Variants in KCNIP4 observed in about 807,000 individuals in gnomAD.
KCNIP4 encodes the protein potassium voltage-gated channel interacting protein 4.
A neutral mutation model predicts 34.0 loss-of-function variants in KCNIP4; 12 were observed. That is an observed-to-expected ratio of 0.35 (90% CI 0.23 to 0.57). The LOEUF (loss-of-function observed/expected upper bound fraction) is 0.57, where lower values mean the gene tolerates loss of function less well. KCNIP4 is among the 20% of genes least tolerant of loss of function. The pLI, the probability that KCNIP4 is intolerant of heterozygous loss-of-function variation, is 0.83. For missense variants in KCNIP4, 238 were observed against 311.7 expected (o/e 0.76, Z 1.78); for synonymous variants, 124 against 102.2 (o/e 1.21, Z -1.29).
rs975684892 is a variant in KCNIP4, at chr4:21,530,192, C to G, written c.61+418379G>C. 2.6e-5 allele frequency among the ~76,000 whole-genome samples: 4 copies of G among 152,212 alleles called. No homozygotes were observed. In the East Asian group the frequency reaches 5.8e-4, roughly 22 times the overall value. On this transcript the variant is annotated intron_variant, in intron 1 of 8. Transcript: ENST00000382152. ...GCACTAAGATATTTCAATGAATATT[C>G]CGGATCAAATGTGTTTCTCCTTATA...
At chr4:20,972,518 A>T (rs1289620653) in intron 1 of KCNIP4, among the ~76,000 whole-genome samples, 1 of 152,140 alleles carries the variant, frequency 6.6e-6, no homozygotes. Flanking sequence ...TTTGAAAGGA[A>T]TCTCTTTGTG....
rs184993961 is a variant in KCNIP4 at position 21,743,018 on chromosome 4, T to C, written c.61+205553A>G. On this transcript the variant is annotated intron_variant, in intron 1 of 8. Transcript: ENST00000382152. Reference sequence around the variant, plus strand: ...GCTACCATAGGCTGGAGCAGAAATATCTACATTCGGATTTACCGTGGATCT... The same window carrying C: ...GCTACCATAGGCTGGAGCAGAAATACCTACATTCGGATTTACCGTGGATCT... Among the ~76,000 whole-genome samples the C allele has an allele frequency of 2.4e-3, 361 of 152,298 alleles. 3 individuals carry two copies. The highest frequency in any genetic ancestry group is 3.4e-3 in the Middle Eastern group (1 of 294).
At chr4:21,226,140 C>T (rs546585946) in intron 1 of KCNIP4, among the ~76,000 whole-genome samples, 1 of 150,036 alleles carries the variant, frequency 6.7e-6, no homozygotes, top group East Asian at 2.0e-4. Flanking sequence ...TTTGCAAGTT[C>T]ATGTAGTTAG....
intron 1 of KCNIP4, among the ~76,000 whole-genome samples, chr4:21,946,679 C>T (rs1377152499): frequency 1.3e-5 from 2 of 152,156 alleles, no homozygotes; most frequent in Admixed American, 6.5e-5. Context: ...CTTTATTCTT[C>T]TCATCATATG....
intron 1 of KCNIP4, among the ~76,000 whole-genome samples, chr4:21,889,495 T>G (rs1322041360): frequency 2.0e-5 from 3 of 152,040 alleles, no homozygotes; most frequent in Admixed American, 6.6e-5. Flanking sequence ...CAACACTCAT[T>G]TACCACAAAT....
intron 1 of KCNIP4, among the ~76,000 whole-genome samples, chr4:20,925,039 AC>A (rs1729759490): frequency 6.8e-6 from 1 of 146,342 alleles, no homozygotes; most frequent in Non-Finnish European, 1.5e-5. Flanking sequence ...TATTTTAACA[AC>A]TTTTTTGAAA....
At chr4:21,147,956 A>G (rs113784018) in intron 1 of KCNIP4, among the ~76,000 whole-genome samples, 63 of 128,414 alleles carry the variant, frequency 4.9e-4, no homozygotes, top group Non-Finnish European at 6.2e-4. Context: ...AAAAAAAAAA[A>G]AAAAGAAAAA....
At chr4:21,242,028 G>C (rs916883019) in intron 1 of KCNIP4, among the ~76,000 whole-genome samples, 1 of 151,928 alleles carries the variant, frequency 6.6e-6, no homozygotes, top group African/African-American at 2.4e-5. Flanking sequence ...GCCAGGCGTG[G>C]TGGTGGGTGC....
chr4:20,922,516 ACTGTCTGTCTGT>A lies in KCNIP4; in HGVS notation c.62-39819_62-39808del, dbSNP rs763750641. Among the ~76,000 whole-genome samples, 22 of 143,260 alleles carry A rather than the reference ACTGTCTGTCTGT, an allele frequency of 1.5e-4. 1 individual carries two copies. The highest frequency in any genetic ancestry group is 2.9e-4 in the Admixed American group (4 of 13,948). The allele number at this position is 143,260 out of a possible 152,430, so 94.0% of individuals were successfully genotyped here. ...GACTTCTAGACCTCATAATAGTGTG[ACTGTCTGTCTGT>A]CTGTCTGTCTGTCTGTCTGTCTATC... is the stretch of plus-strand genomic sequence containing the variant. On this transcript the variant is annotated intron_variant, in intron 1 of 8. Transcript: ENST00000382152.
rs541012798 is a variant in KCNIP4, at chr4:20,870,862, C to T, written c.163+11746G>A. On this transcript the variant is annotated intron_variant, in intron 2 of 8. Coordinates refer to ENST00000382152, the MANE Select transcript of KCNIP4 (RefSeq NM_025221.6). ...ATCCTATCCCCACTAAATGAACTTG[C>T]CGTTCTTCCTCCTCAACCTTCTCTG... 2.0e-5 allele frequency among the ~76,000 whole-genome samples: 3 copies of T among 152,208 alleles called. No homozygotes were observed. In the South Asian group the frequency reaches 6.2e-4, roughly 32 times the overall value.
intron 3 of KCNIP4, among the ~76,000 whole-genome samples, chr4:20,780,873 G>T (rs574791692): frequency 6.6e-6 from 1 of 152,210 alleles, no homozygotes; most frequent in East Asian, 1.9e-4. Context: ...ACTTTGAATG[G>T]GTTTTTGTTA....
chr4:20,897,272 T>C (rs982557387), intron 1 of KCNIP4, among the ~76,000 whole-genome samples: 1 of 151,626 alleles, frequency 6.6e-6, no homozygotes, highest in Admixed American at 6.6e-5. Flanking sequence ...TCCTCTTCTA[T>C]TTTCCTCTAA....
intron 1 of KCNIP4, among the ~76,000 whole-genome samples, chr4:21,081,697 A>G (rs1746019556): frequency 6.6e-6 from 1 of 151,872 alleles, no homozygotes; most frequent in Non-Finnish European, 1.5e-5. Flanking sequence ...TGATTACAAA[A>G]CAAGTCTTTA....
At chr4:20,801,340 A>T (rs1315967933) in intron 3 of KCNIP4, among the ~76,000 whole-genome samples, 1 of 152,054 alleles carries the variant, frequency 6.6e-6, no homozygotes, top group African/African-American at 2.4e-5. Context: ...TCATAAGTAT[A>T]TATGCAACTA....
intron 1 of KCNIP4, among the ~76,000 whole-genome samples, chr4:21,107,994 T>C (rs1479505016): frequency 6.6e-6 from 1 of 151,444 alleles, no homozygotes; most frequent in Admixed American, 6.6e-5. Context: ...GGCTTCCCTT[T>C]GTGGGTAACC....
chr4:20,949,478 T>C (rs1425884266), intron 1 of KCNIP4, among the ~76,000 whole-genome samples: 1 of 152,106 alleles, frequency 6.6e-6, no homozygotes, highest in African/African-American at 2.4e-5. Flanking sequence ...GAACTAGAAA[T>C]ACCATTTGAC....
intron 1 of KCNIP4, among the ~76,000 whole-genome samples, chr4:21,009,646 C>A (rs147475407): frequency 6.6e-6 from 1 of 152,298 alleles, no homozygotes; most frequent in East Asian, 1.9e-4. Context: ...TAATGTAATG[C>A]ATTTTATTCT....
chr4:20,996,257 C>T (rs377407500), intron 1 of KCNIP4, among the ~76,000 whole-genome samples: 79 of 152,294 alleles, frequency 5.2e-4, no homozygotes, highest in African/African-American at 1.9e-3. Flanking sequence ...TACTTTCGCT[C>T]TCACACCCCT....
chr4:20,927,396 G>C (rs1730012593), intron 1 of KCNIP4, among the ~76,000 whole-genome samples: 1 of 152,106 alleles, frequency 6.6e-6, no homozygotes, highest in South Asian at 2.1e-4. Context: ...AGAAGTGTGT[G>C]GGAATAAAAT....
Sources: allele counts gnomAD v4.1 joint callset (sites outside exome capture counted in the v4.1 genomes callset), GRCh38; gene constraint gnomAD v4.1.1; transcripts MANE v1.5; gene names NCBI Gene and HGNC (gene_info 2026-07-23, HGNC 2026-07-21).